Variants in RGS22 observed in about 807,000 individuals in gnomAD.
RGS22 encodes regulator of G protein signaling 22, also known as regulator of G-protein signaling 22.
RGS22 carries 148 observed loss-of-function variants against 172.9 expected under a neutral mutation model. The ratio of observed to expected loss-of-function variants is 0.86; its 90% CI spans 0.75 to 0.98. RGS22 has a LOEUF of 0.98. Among genes scored for constraint, RGS22 ranks in the 50% least tolerant of loss-of-function variants. The pLI is 0.00. For missense variants in RGS22, 1,347 were observed against 1,440.8 expected (o/e 0.93, Z 1.05); for synonymous variants, 458 against 480.2 (o/e 0.95, Z 0.60).
chr8:100,032,390 T>C (rs1003525597), intron 14 of RGS22, among the ~76,000 whole-genome samples: 59 of 152,048 alleles, frequency 3.9e-4, no homozygotes, highest in Non-Finnish European at 5.7e-4. Flanking sequence ...AAACAGACTT[T>C]AAACCAACAA....
At chr8:100,074,749 G>GTT (rs140533796) in intron 4 of RGS22, among the ~76,000 whole-genome samples, 47 of 148,172 alleles carry the variant, frequency 3.2e-4, no homozygotes, top group African/African-American at 1.1e-3. Context: ...TTTCTTTTTT[G>GTT]TTTTTTTTTT....
chr8:100,081,733 G>A (rs540488019), intron 3 of RGS22, among the ~76,000 whole-genome samples: 6 of 152,136 alleles, frequency 3.9e-5, no homozygotes, highest in South Asian at 4.2e-4. Flanking sequence ...TGCTGATATC[G>A]CAGATTAGAT....
intron 10 of RGS22, among the ~76,000 whole-genome samples, chr8:100,050,656 GGTCGTAT>G (rs1821181173): frequency 6.6e-6 from 1 of 152,122 alleles, no homozygotes; most frequent in African/African-American, 2.4e-5. Context: ...CTGAAACACA[GGTCGTAT>G]CTACAGTTAC....
intron 9 of RGS22, among the ~76,000 whole-genome samples, chr8:100,061,653 G>A (rs878910172): frequency 2.6e-5 from 4 of 152,136 alleles, no homozygotes; most frequent in African/African-American, 9.7e-5. Flanking sequence ...AATAACAGAT[G>A]CTGATGAGGT....
intron 14 of RGS22, among the ~76,000 whole-genome samples, chr8:100,013,036 C>A (rs1385039082): frequency 7.7e-6 from 1 of 130,162 alleles, no homozygotes; most frequent in Non-Finnish European, 1.5e-5. Context: ...ATCACCCAGG[C>A]TGGAGTGCAG....
intron 9 of RGS22, among the ~76,000 whole-genome samples, chr8:100,057,671 T>A (rs1450592491): frequency 6.6e-6 from 1 of 152,192 alleles, no homozygotes; most frequent in Non-Finnish European, 1.5e-5. Context: ...TCCTTTGTAT[T>A]CTGCCATGAT....
intron 14 of RGS22, among the ~76,000 whole-genome samples, chr8:100,022,657 C>T (rs984137266): frequency 3.9e-5 from 6 of 152,038 alleles, no homozygotes; most frequent in Non-Finnish European, 7.4e-5. Context: ...GCAAGATATA[C>T]ATTTAAACTA....
intron 19 of RGS22, among the ~76,000 whole-genome samples, chr8:99,997,679 G>A (rs1228198315): frequency 1.3e-5 from 2 of 152,130 alleles, no homozygotes; most frequent in Non-Finnish European, 2.9e-5. Context: ...AAAACTGCAT[G>A]TTTTCTGACC....
intron 9 of RGS22, among the ~76,000 whole-genome samples, chr8:100,060,940 T>C (rs1305497256): frequency 6.6e-6 from 1 of 151,996 alleles, no homozygotes; most frequent in Admixed American, 6.6e-5. Flanking sequence ...ATGGTAACCA[T>C]AACAGCATGG....
intron 14 of RGS22, among the ~76,000 whole-genome samples, chr8:100,034,730 A>G (rs1471184916): frequency 6.6e-6 from 1 of 152,230 alleles, no homozygotes; most frequent in Non-Finnish European, 1.5e-5. Flanking sequence ...CCAAGTCTAC[A>G]GTAGTATGGT....
At chr8:100,085,027 A>T (rs1812062752) in intron 3 of RGS22, among the ~76,000 whole-genome samples, 1 of 152,214 alleles carries the variant, frequency 6.6e-6, no homozygotes, top group African/African-American at 2.4e-5. Flanking sequence ...AACTACCCAG[A>T]GAAACATAAG....
At chr8:100,081,464 T>C (rs1398332762) in intron 3 of RGS22, among the ~76,000 whole-genome samples, 1 of 151,574 alleles carries the variant, frequency 6.6e-6, no homozygotes, top group Non-Finnish European at 1.5e-5. Context: ...ACATGGATGA[T>C]ACGGTTCAAG....
At chr8:100,047,316 G>T in intron 11 of RGS22, 147 bp downstream of exon 11, 2 of 596,238 alleles carry the variant, frequency 3.4e-6, no homozygotes, top group Non-Finnish European at 2.6e-6. Context: ...TTCATGCAAA[G>T]TATAAGCCTC....
At chr8:100,010,127 C>A (rs1816214676) in intron 14 of RGS22, among the ~76,000 whole-genome samples, 1 of 152,032 alleles carries the variant, frequency 6.6e-6, no homozygotes, top group African/African-American at 2.4e-5. Flanking sequence ...ACATATTGTT[C>A]CTTCCATCTT....
chr8:99,996,167 G>A (rs1039183257), intron 20 of RGS22, among the ~76,000 whole-genome samples: 3 of 152,178 alleles, frequency 2.0e-5, no homozygotes, highest in Non-Finnish European at 4.4e-5. Flanking sequence ...TGTAAATGAT[G>A]AGTTGATGGG....
chr8:99,976,406 G>C (rs1344999087), intron 23 of RGS22, among the ~76,000 whole-genome samples: 1 of 152,076 alleles, frequency 6.6e-6, no homozygotes, highest in Admixed American at 6.5e-5. Context: ...CTGTTGCCCA[G>C]GCTGGAGTGC....
At chr8:100,075,327 A>G (rs369178846) in intron 4 of RGS22, among the ~76,000 whole-genome samples, 40 of 152,134 alleles carry the variant, frequency 2.6e-4, no homozygotes, top group African/African-American at 7.7e-4. Context: ...TGGTTGTTTA[A>G]AGAGCCTGGT....
chr8:99,977,800 T>G (rs1370976073), intron 23 of RGS22, 117 bp downstream of exon 23: 1 of 798,780 alleles, frequency 1.3e-6, no homozygotes, highest in East Asian at 3.1e-5. Context: ...TAAAATCCAC[T>G]AATATCTGTA....
intron 14 of RGS22, among the ~76,000 whole-genome samples, chr8:100,028,801 C>T (rs997131803): frequency 1.3e-5 from 2 of 152,118 alleles, no homozygotes; most frequent in Non-Finnish European, 2.9e-5. Flanking sequence ...CAGCCAGGCC[C>T]CCACGAAAAC....
Sources: allele counts gnomAD v4.1 joint callset (sites outside exome capture counted in the v4.1 genomes callset), GRCh38; gene constraint gnomAD v4.1.1; transcripts MANE v1.5; gene names NCBI Gene and HGNC (gene_info 2026-07-23, HGNC 2026-07-21).